The following XKR9 variants were observed in gnomAD, a reference collection of about 807,000 sequenced individuals.
XKR9 encodes XK related 9, also known as XK-related protein 9.
In XKR9, 32 loss-of-function variants were observed where a neutral mutation model predicts 32.0. That is an observed-to-expected ratio of 1.00 (90% CI 0.76 to 1.34). The LOEUF is 1.34. Ranked by LOEUF, XKR9 falls within the 40% of genes most tolerant of loss-of-function variation. The pLI is 0.00. For missense variants in XKR9, 546 were observed against 429.7 expected, an observed-to-expected ratio of 1.27 and a Z score of -2.39; for synonymous variants, 168 against 143.4, an observed-to-expected ratio of 1.17 and a Z score of -1.22.
At chr8:71,033,388 G>C in the XKR9 span, among the ~76,000 whole-genome samples, 1 of 152,186 alleles carries the variant, frequency 6.6e-6, no homozygotes, top group Non-Finnish European at 1.5e-5. Flanking sequence ...TTCATAGTAA[G>C]TACTCAGAAA....
At chr8:70,796,057 T>G in the XKR9 span, among the ~76,000 whole-genome samples, 2 of 148,790 alleles carry the variant, frequency 1.3e-5, no homozygotes, top group Non-Finnish European at 3.0e-5. Context: ...AGATTTTGAT[T>G]TTTTTTTTTT....
chr8:71,031,586 C>T, the XKR9 span, among the ~76,000 whole-genome samples: 1 of 152,142 alleles, frequency 6.6e-6, no homozygotes, highest in African/African-American at 2.4e-5. Context: ...GGTAAATTCT[C>T]ACATATTAGA....
chr8:70,698,303 C>G (rs1467282367), intron 3 of XKR9, among the ~76,000 whole-genome samples: 2 of 152,106 alleles, frequency 1.3e-5, no homozygotes, highest in African/African-American at 2.4e-5. Flanking sequence ...ATCTTTCCTG[C>G]TTTCTCTTGT....
intron 2 of XKR9, among the ~76,000 whole-genome samples, chr8:70,758,501 T>G (rs1314913952): frequency 6.6e-6 from 1 of 152,242 alleles, no homozygotes; most frequent in African/African-American, 2.4e-5. Context: ...AGTTCTTTCT[T>G]GCAAACTAGC....
the XKR9 span, among the ~76,000 whole-genome samples, chr8:70,990,647 T>C: frequency 7.2e-5 from 11 of 151,964 alleles, no homozygotes; most frequent in Non-Finnish European, 1.3e-4. Flanking sequence ...AAATTGCAAG[T>C]TTCCGTTCCA....
chr8:70,719,673 T>G (rs1171478191), intron 4 of XKR9, among the ~76,000 whole-genome samples: 1 of 152,030 alleles, frequency 6.6e-6, no homozygotes, highest in East Asian at 1.9e-4. Flanking sequence ...TTGGTACCAG[T>G]CATGTTGTTT....
At chr8:70,714,968 G>T (rs1024362753) in intron 4 of XKR9, among the ~76,000 whole-genome samples, 4 of 152,172 alleles carry the variant, frequency 2.6e-5, no homozygotes, top group Non-Finnish European at 5.9e-5. Flanking sequence ...AGAGTGTAAT[G>T]TAGAGGTTAG....
chr8:70,751,819 G>T (rs1258403691), intron 2 of XKR9, among the ~76,000 whole-genome samples: 1 of 152,090 alleles, frequency 6.6e-6, no homozygotes, highest in Non-Finnish European at 1.5e-5. Context: ...AGTTTCCCTT[G>T]TTCTCACACC....
intron 4 of XKR9, among the ~76,000 whole-genome samples, chr8:70,732,740 T>C (rs931231606): frequency 4.6e-5 from 7 of 152,180 alleles, no homozygotes; most frequent in African/African-American, 1.2e-4. Flanking sequence ...CAAGAGAGCA[T>C]GCAAATGTAT....
intron 4 of XKR9, among the ~76,000 whole-genome samples, chr8:70,724,127 T>C (rs1563449985): frequency 1.3e-5 from 2 of 152,176 alleles, no homozygotes; most frequent in Admixed American, 1.3e-4. Flanking sequence ...ACAGCCATTT[T>C]GCTGTGCTGT....
chr8:70,762,118 A>T (rs1392761036), intron 2 of XKR9, among the ~76,000 whole-genome samples: 3 of 151,978 alleles, frequency 2.0e-5, no homozygotes, highest in African/African-American at 4.8e-5. Flanking sequence ...GTATAGTTTG[A>T]AGTTGGGTAG....
downstream of XKR9, chr8:70,790,383 A>G (rs1263248518): frequency 6.6e-6 from 1 of 152,102 alleles, no homozygotes; most frequent in Non-Finnish European, 1.5e-5. Flanking sequence ...TTAATTGTCT[A>G]AAAAACAAGT....
the XKR9 span, among the ~76,000 whole-genome samples, chr8:70,804,997 G>A: frequency 2.6e-5 from 4 of 152,164 alleles, no homozygotes; most frequent in Admixed American, 6.5e-5. Flanking sequence ...GGCCAAGATC[G>A]CAGACTAGAA....
At chr8:70,877,731 A>G in the XKR9 span, among the ~76,000 whole-genome samples, 2 of 152,206 alleles carry the variant, frequency 1.3e-5, no homozygotes, top group African/African-American at 4.8e-5. Context: ...AAGTTGGAAA[A>G]CACTCTGCAG....
At chr8:70,724,371 C>G (rs563871453) in intron 4 of XKR9, among the ~76,000 whole-genome samples, 3 of 151,874 alleles carry the variant, frequency 2.0e-5, no homozygotes, top group African/African-American at 7.2e-5. Flanking sequence ...GGCTTCAGTT[C>G]CCTTTCCAGG....
the XKR9 span, among the ~76,000 whole-genome samples, chr8:71,005,214 C>A: frequency 1.7e-4 from 23 of 132,296 alleles, no homozygotes; most frequent in African/African-American, 6.2e-4. Flanking sequence ...GTTTTTTTTT[C>A]TTTTCTTTTT....
intron 3 of XKR9, among the ~76,000 whole-genome samples, chr8:70,685,546 A>C (rs1163805954): frequency 2.6e-5 from 4 of 150,956 alleles, no homozygotes; most frequent in African/African-American, 7.3e-5. Flanking sequence ...ATGGAATACT[A>C]TGCAGCCATA....
the XKR9 span, among the ~76,000 whole-genome samples, chr8:71,009,643 G>A: frequency 1.3e-5 from 2 of 152,250 alleles, no homozygotes; most frequent in East Asian, 3.9e-4. Flanking sequence ...ACTGAAGTGG[G>A]GAGCTGAGGG....
At chr8:71,017,346 A>G in the XKR9 span, among the ~76,000 whole-genome samples, 1 of 152,190 alleles carries the variant, frequency 6.6e-6, no homozygotes, top group Non-Finnish European at 1.5e-5. Context: ...ACAGTGAGTT[A>G]TTACACTTGC....
Sources: allele counts gnomAD v4.1 joint callset (sites outside exome capture counted in the v4.1 genomes callset), GRCh38; gene constraint gnomAD v4.1.1; transcripts MANE v1.5; gene names NCBI Gene and HGNC (gene_info 2026-07-23, HGNC 2026-07-21).